Variants in DYM observed in about 807,000 individuals in gnomAD.
DYM encodes the protein dyggve-Melchior-Clausen syndrome protein.
A neutral mutation model predicts 93.1 loss-of-function variants in DYM; 78 were observed. The ratio of observed to expected loss-of-function variants is 0.84; its 90% CI spans 0.70 to 1.01. DYM has a LOEUF of 1.01. DYM is among the 50% of genes least tolerant of loss of function. DYM has a pLI of 0.00. For missense variants in DYM, 789 were observed against 845.0 expected (o/e 0.93, Z 0.82); for synonymous variants, 321 against 319.7 (o/e 1.00, Z -0.04).
intron 15 of DYM, among the ~76,000 whole-genome samples, chr18:49,146,378 T>C (rs1248534831): frequency 1.3e-5 from 2 of 152,190 alleles, no homozygotes; most frequent in Non-Finnish European, 2.9e-5. Context: ...TAAAGGGTAT[T>C]CAATTCGGAA....
At chr18:49,067,464 T>C (rs1288798) in intron 17 of DYM, among the ~76,000 whole-genome samples, 14,711 of 17,262 alleles carry the variant, frequency 0.85, 6,121 homozygotes, top group East Asian at 0.88. Context: ...TATGGAAGTT[T>C]GGTAGGAGAA....
At chr18:49,225,839 A>C (rs1049277016) in intron 13 of DYM, among the ~76,000 whole-genome samples, 4 of 152,154 alleles carry the variant, frequency 2.6e-5, no homozygotes, top group African/African-American at 9.7e-5. Context: ...CATAAATAAC[A>C]GCCAAATATC....
intron 5 of DYM, among the ~76,000 whole-genome samples, chr18:49,369,080 T>C (rs1048917687): frequency 4.6e-5 from 7 of 152,212 alleles, no homozygotes; most frequent in Non-Finnish European, 8.8e-5. Context: ...GCTGCTTCAC[T>C]AGGGGACGCT....
chr18:49,326,179 T>A (rs754780512), intron 8 of DYM, among the ~76,000 whole-genome samples: 1 of 152,216 alleles, frequency 6.6e-6, no homozygotes, highest in Non-Finnish European at 1.5e-5. Flanking sequence ...GGTTCTGGAA[T>A]TCTATGATTC....
At chr18:49,250,250 A>G (rs893413503) in intron 13 of DYM, among the ~76,000 whole-genome samples, 6 of 152,252 alleles carry the variant, frequency 3.9e-5, no homozygotes, top group Admixed American at 3.3e-4. Context: ...GCAAAGAAAT[A>G]TAAAATAAGT....
intron 5 of DYM, among the ~76,000 whole-genome samples, chr18:49,370,341 A>C (rs2066913994): frequency 6.6e-6 from 1 of 150,688 alleles, no homozygotes; most frequent in African/African-American, 2.4e-5. Flanking sequence ...TCATCCTAGC[A>C]CCTCCTACTT....
rs971003944 is a variant in DYM, at chr18:49,201,458, C to T, written c.1625+8093G>A. Among the ~76,000 whole-genome samples the T allele has an allele frequency of 3.3e-5, 5 of 152,126 alleles. 1 individual carries two copies. The highest frequency in any genetic ancestry group is 2.9e-5 in the Non-Finnish European group (2 of 68,002). On this transcript the variant is annotated intron_variant, in intron 14 of 17. Transcript: ENST00000675505. ...ATTTAAATGCATGACAGTCATCAGA[C>T]GCAGCATGCTTCGACCACATCAGTC...
At chr18:49,216,629 T>C (rs2093063172) in intron 13 of DYM, among the ~76,000 whole-genome samples, 1 of 152,174 alleles carries the variant, frequency 6.6e-6, no homozygotes, top group South Asian at 2.1e-4. Context: ...CCGCTGCTGA[T>C]ACCCAGGCAA....
chr18:49,098,765 A>C (rs943300342), intron 16 of DYM, among the ~76,000 whole-genome samples: 6 of 152,358 alleles, frequency 3.9e-5, no homozygotes, highest in African/African-American at 1.4e-4. Flanking sequence ...TCTGGGATTA[A>C]TATTTTGTTC....
chr18:49,132,334 T>C (rs944793608), intron 15 of DYM, among the ~76,000 whole-genome samples: 8 of 152,098 alleles, frequency 5.3e-5, no homozygotes, highest in Non-Finnish European at 2.9e-5. Flanking sequence ...AACTTTTTCA[T>C]AATAAAATTT....
intron 13 of DYM, among the ~76,000 whole-genome samples, chr18:49,227,113 T>C (rs142012145): frequency 1.2e-4 from 18 of 152,276 alleles, no homozygotes; most frequent in African/African-American, 3.8e-4. Context: ...AATAAACAGG[T>C]ATAAAATAGC....
At chr18:49,339,884 T>A (rs901704602) in intron 6 of DYM, among the ~76,000 whole-genome samples, 22 of 152,198 alleles carry the variant, frequency 1.4e-4, no homozygotes, top group Non-Finnish European at 1.5e-4. Context: ...ATGAATTAAA[T>A]AAGTAAAATG....
rs534546055 is a variant in DYM at position 49,306,583 on chromosome 18, C to T, written c.764-19967G>A. The stretch of plus-strand genomic sequence containing the variant: ...AAGTAATTGAACAGGCATGTGATTA[C>T]ACCTTTTCAGTAATAAACATGGATA... On this transcript the variant is annotated intron_variant, in intron 8 of 17. Transcript: ENST00000675505. Among the ~76,000 whole-genome samples the T allele has an allele frequency of 2.4e-4, 36 of 150,558 alleles. 1 individual carries two copies. The South Asian group carries it at 4.6e-3, about 19-fold the overall frequency.
intron 14 of DYM, among the ~76,000 whole-genome samples, chr18:49,185,063 C>T (rs915836830): frequency 6.6e-6 from 1 of 152,032 alleles, no homozygotes; most frequent in Admixed American, 6.6e-5. Flanking sequence ...GAGTTGTGCA[C>T]AATCTTGAGA....
intron 6 of DYM, among the ~76,000 whole-genome samples, chr18:49,344,236 CAT>C (rs1006777989): frequency 1.7e-4 from 26 of 152,192 alleles, no homozygotes; most frequent in African/African-American, 5.5e-4. Flanking sequence ...TTTAAAGAAA[CAT>C]GTGGGCAAAA....
chr18:49,263,490 G>A (rs2094521805), intron 11 of DYM, among the ~76,000 whole-genome samples: 1 of 151,434 alleles, frequency 6.6e-6, no homozygotes, highest in Non-Finnish European at 1.5e-5. Flanking sequence ...CAGCACTTTG[G>A]GAGGCTGAGG....
chr18:49,260,731 C>T (rs1485179687), intron 11 of DYM, among the ~76,000 whole-genome samples: 1 of 152,030 alleles, frequency 6.6e-6, no homozygotes, highest in Non-Finnish European at 1.5e-5. Context: ...TGAAGGACAG[C>T]AGAACAATGT....
intron 13 of DYM, among the ~76,000 whole-genome samples, chr18:49,231,307 T>C (rs1399446994): frequency 1.3e-5 from 2 of 152,144 alleles, no homozygotes; most frequent in Non-Finnish European, 2.9e-5. Flanking sequence ...GTAGAGTGGG[T>C]ATCCCAGAGC....
intron 5 of DYM, among the ~76,000 whole-genome samples, chr18:49,370,481 C>T (rs532788950): frequency 6.6e-6 from 1 of 152,094 alleles, no homozygotes; most frequent in African/African-American, 2.4e-5. Context: ...TGTAAAGAAA[C>T]TATAGGCGGG....
Sources: allele counts gnomAD v4.1 joint callset (sites outside exome capture counted in the v4.1 genomes callset), GRCh38; gene constraint gnomAD v4.1.1; transcripts MANE v1.5; gene names NCBI Gene and HGNC (gene_info 2026-07-23, HGNC 2026-07-21).